MACROD2: variants seen among roughly 807,000 people sequenced by gnomAD.
MACROD2 encodes ADP-ribose glycohydrolase MACROD2.
In MACROD2, 36 loss-of-function variants were observed where a neutral mutation model predicts 70.4. That is an observed-to-expected ratio of 0.51 (90% CI 0.39 to 0.68). MACROD2 has a LOEUF of 0.68. Ranked by LOEUF, MACROD2 falls within the 30% of genes least tolerant of loss-of-function variation. The probability of loss-of-function intolerance (pLI) is 0.00; values close to 1 mark genes in which losing one functional copy is unlikely to be tolerated. For synonymous variants in MACROD2, 172 were observed against 178.8 expected, an observed-to-expected ratio of 0.96 and a Z score of 0.30; for missense variants, 496 against 538.4, an observed-to-expected ratio of 0.92 and a Z score of 0.78.
chr20:15,389,996 A>G (rs2045770826), intron 6 of MACROD2, among the ~76,000 whole-genome samples: 1 of 152,214 alleles, frequency 6.6e-6, no homozygotes, highest in African/African-American at 2.4e-5. Flanking sequence ...AGAGAGACTG[A>G]TGGGAAGATA....
chr20:15,842,639 T>C (rs555519948), intron 8 of MACROD2, among the ~76,000 whole-genome samples: 1 of 151,988 alleles, frequency 6.6e-6, no homozygotes, highest in South Asian at 2.1e-4. Context: ...TAAATTCTAC[T>C]GTTACTCATT....
At chr20:15,465,099 C>T (rs1421383035) in intron 7 of MACROD2, among the ~76,000 whole-genome samples, 3 of 152,042 alleles carry the variant, frequency 2.0e-5, no homozygotes, top group Non-Finnish European at 4.4e-5. Flanking sequence ...TTTTTCAATA[C>T]TCTATATAGG....
At position 15,458,456 on chromosome 20, in the gene MACROD2, G is replaced by A. The variant is rs540502321; in HGVS notation, c.571+27021G>A. Among the ~76,000 whole-genome samples the A allele has an allele frequency of 1.2e-4, 18 of 152,068 alleles. No homozygotes were observed. In the South Asian group the frequency reaches 3.7e-3, roughly 32 times the overall value. ...GAGTCACCATCAGTGATAAAATCATGGGCTTAGAATTGAAAAGCTGGAGTT... is the reference window on the plus strand; with the variant it reads ...GAGTCACCATCAGTGATAAAATCATAGGCTTAGAATTGAAAAGCTGGAGTT... On this transcript the variant is annotated intron_variant, in intron 7 of 17. Transcript: ENST00000684519.
chr20:14,016,084 C>T (rs927520821), intron 2 of MACROD2, among the ~76,000 whole-genome samples: 12 of 152,154 alleles, frequency 7.9e-5, no homozygotes, highest in African/African-American at 1.7e-4. Context: ...ACATTCCAAC[C>T]GCCAGTGCTA....
chr20:14,906,697 G>A (rs2073963660), intron 5 of MACROD2, among the ~76,000 whole-genome samples: 3 of 152,156 alleles, frequency 2.0e-5, no homozygotes, highest in East Asian at 1.9e-4. Flanking sequence ...TGAAACTAAC[G>A]TCACAAATTA....
At chr20:15,994,417 A>G (rs1026430014) in intron 15 of MACROD2, among the ~76,000 whole-genome samples, 8 of 152,200 alleles carry the variant, frequency 5.3e-5, no homozygotes, top group Non-Finnish European at 8.8e-5. Context: ...AAACTCTTCG[A>G]ACAAGATGTA....
At chr20:14,249,130 T>C (rs958808) in intron 3 of MACROD2, among the ~76,000 whole-genome samples, 69,852 of 108,526 alleles carry the variant, frequency 0.64, 19,971 homozygotes, top group Non-Finnish European at 0.72. Flanking sequence ...TTTCAAAGGT[T>C]TTTTTTTTTT....
intron 7 of MACROD2, among the ~76,000 whole-genome samples, chr20:15,468,841 C>T (rs2046929178): frequency 6.6e-6 from 1 of 152,152 alleles, no homozygotes; most frequent in Non-Finnish European, 1.5e-5. Flanking sequence ...ACATTGTCCC[C>T]ACCTTGGGAA....
chr20:14,273,295 T>C lies in MACROD2; in HGVS notation c.271+187567T>C, dbSNP rs1191578157. ...AGAACAGAAATTATAACAAACTGTC[T>C]CTCAGACCACAGTGCAATCAAACTA... is the stretch of plus-strand genomic sequence containing the variant. On this transcript the variant is annotated intron_variant, in intron 3 of 17. Coordinates refer to ENST00000684519, the MANE Select transcript of MACROD2 (RefSeq NM_001351661.2). Among the ~76,000 whole-genome samples the C allele has an allele frequency of 2.6e-4, 39 of 152,092 alleles. No individual in the cohort carries two copies. In the East Asian group the frequency reaches 6.4e-3, roughly 25 times the overall value.
At chr20:14,974,987 C>T (rs1299899800) in intron 5 of MACROD2, among the ~76,000 whole-genome samples, 1 of 152,094 alleles carries the variant, frequency 6.6e-6, no homozygotes, top group Non-Finnish European at 1.5e-5. Flanking sequence ...TACCTTGGCA[C>T]TATTGACATT....
chr20:15,578,124 T>C (rs1213104881), intron 8 of MACROD2, among the ~76,000 whole-genome samples: 1 of 152,182 alleles, frequency 6.6e-6, no homozygotes, highest in East Asian at 1.9e-4. Flanking sequence ...GTGGCCACTG[T>C]TCATATTAAT....
intron 8 of MACROD2, among the ~76,000 whole-genome samples, chr20:15,726,291 A>G (rs2050861760): frequency 6.6e-6 from 1 of 152,134 alleles, no homozygotes; most frequent in Non-Finnish European, 1.5e-5. Context: ...ATAGTATTCC[A>G]TGATATGTAT....
At chr20:15,201,549 A>G (rs192552593) in intron 5 of MACROD2, among the ~76,000 whole-genome samples, 259 of 152,348 alleles carry the variant, frequency 1.7e-3, no homozygotes, top group South Asian at 0.017. Context: ...TAATTCATGA[A>G]TACTGCCCAA....
intron 8 of MACROD2, among the ~76,000 whole-genome samples, chr20:15,514,248 A>C (rs2047537804): frequency 6.6e-6 from 1 of 152,376 alleles, no homozygotes; most frequent in Admixed American, 6.5e-5. Context: ...AACAGTGTAC[A>C]GTAATGAACC....
intron 15 of MACROD2, among the ~76,000 whole-genome samples, chr20:16,009,021 C>T (rs931219291): frequency 3.3e-5 from 5 of 151,822 alleles, no homozygotes; most frequent in Admixed American, 1.3e-4. Context: ...TGCAGCTGAT[C>T]AAGAAAAATT....
At chr20:14,598,915 A>C (rs998647544) in intron 4 of MACROD2, among the ~76,000 whole-genome samples, 50 of 152,158 alleles carry the variant, frequency 3.3e-4, no homozygotes, top group African/African-American at 9.9e-4. Flanking sequence ...AGCACATCTT[A>C]ATTATCTTTA....
intron 5 of MACROD2, among the ~76,000 whole-genome samples, chr20:14,801,505 T>C (rs1318183124): frequency 6.6e-6 from 1 of 152,142 alleles, no homozygotes; most frequent in African/African-American, 2.4e-5. Flanking sequence ...ATCTGTTTAT[T>C]TTACATATTC....
chr20:15,267,461 A>G (rs1331312077), intron 6 of MACROD2, among the ~76,000 whole-genome samples: 1 of 152,122 alleles, frequency 6.6e-6, no homozygotes, highest in East Asian at 1.9e-4. Context: ...GGCACAAGAT[A>G]GGAGCTCAAA....
intron 5 of MACROD2, among the ~76,000 whole-genome samples, chr20:14,922,555 G>C (rs2074176791): frequency 6.6e-6 from 1 of 152,142 alleles, no homozygotes; most frequent in Admixed American, 6.5e-5. Flanking sequence ...ACAGAAATTT[G>C]ATTCATTAAC....
Sources: allele counts gnomAD v4.1 joint callset (sites outside exome capture counted in the v4.1 genomes callset), GRCh38; gene constraint gnomAD v4.1.1; transcripts MANE v1.5; gene names NCBI Gene and HGNC (gene_info 2026-07-23, HGNC 2026-07-21).